Variants in SHTN1 observed in about 807,000 individuals in gnomAD.
SHTN1 encodes the protein shootin-1.
A neutral mutation model predicts 83.1 loss-of-function variants in SHTN1; 42 were observed. The ratio of observed to expected loss-of-function variants is 0.51; its 90% CI spans 0.39 to 0.65. The LOEUF is 0.65. Among genes scored for constraint, SHTN1 ranks in the 30% least tolerant of loss-of-function variants. SHTN1 has a pLI of 0.00. For missense variants in SHTN1, 622 were observed against 737.8 expected (o/e 0.84, Z 1.82); for synonymous variants, 224 against 247.7 (o/e 0.90, Z 0.90).
intron 16 of SHTN1, among the ~76,000 whole-genome samples, chr10:116,898,217 A>G (rs1847590748): frequency 1.3e-5 from 2 of 151,782 alleles, no homozygotes; most frequent in African/African-American, 4.8e-5. Context: ...AATCACAGCT[A>G]CTCGGGAGGC....
chr10:117,059,523 T>C (rs981913365), intron 1 of SHTN1, among the ~76,000 whole-genome samples: 1 of 152,162 alleles, frequency 6.6e-6, no homozygotes, highest in African/African-American at 2.4e-5. Flanking sequence ...ATACATACCA[T>C]GGAATAATGC....
intron 1 of SHTN1, among the ~76,000 whole-genome samples, chr10:117,124,913 T>C (rs879097283): frequency 1.3e-5 from 2 of 152,184 alleles, no homozygotes; most frequent in Admixed American, 1.3e-4. Flanking sequence ...TATTGCTATA[T>C]TGTGGGGGTT....
In SHTN1 at chr10:116,987,870, A is replaced by G. The variant is rs527427595; in HGVS notation, c.59-8562T>C. The stretch of plus-strand genomic sequence containing the variant: ...GCGGAGGTTGCAGTGAGCCAAGATC[A>G]TGCCACTGCACTCCAATCTGGTAAC... On this transcript the variant is annotated intron_variant, in intron 1 of 16. Coordinates refer to ENST00000355371, the MANE Select transcript of SHTN1 (RefSeq NM_001127211.3). 7.2e-4 allele frequency among the ~76,000 whole-genome samples: 110 copies of G among 151,844 alleles called. 2 individuals are homozygous for G. In the South Asian group the frequency reaches 0.022, roughly 30 times the overall value.
chr10:116,960,884 A>G (rs1273482204), intron 3 of SHTN1, among the ~76,000 whole-genome samples: 1 of 152,226 alleles, frequency 6.6e-6, no homozygotes, highest in Non-Finnish European at 1.5e-5. Context: ...TAGAAGAAAA[A>G]TAAAATTTTA....
rs1385886299 is a variant in SHTN1, at chr10:116,885,009, C to T, written c.*1335G>A. 1 of 152,400 alleles carries T rather than the reference C, an allele frequency of 6.6e-6. No homozygotes were observed. Among genetic ancestry groups the T allele is most frequent in the African/African-American group, 2.4e-5 (1 of 41,432 alleles). The allele number at this position is 152,400 out of a possible 1,614,324, so 9.4% of individuals were successfully genotyped here. ...AACTATAAAATCATTATTGGGAGAA[C>T]ATGGAAACAGTCAAGCATAACGAAC... On this transcript the variant is annotated 3_prime_UTR_variant, in exon 17 of 17. Coordinates refer to ENST00000355371, the MANE Select transcript of SHTN1 (RefSeq NM_001127211.3).
intron 1 of SHTN1, among the ~76,000 whole-genome samples, chr10:116,987,031 T>C (rs538902125): frequency 4.6e-4 from 70 of 152,072 alleles, no homozygotes; most frequent in Non-Finnish European, 6.9e-4. Context: ...CCGGCCTATT[T>C]TTTTAAAAGG....
At chr10:117,048,116 T>A (rs576416979) in intron 2 of SHTN1, among the ~76,000 whole-genome samples, 2 of 152,182 alleles carry the variant, frequency 1.3e-5, no homozygotes, top group South Asian at 4.1e-4. Context: ...ATCACATATA[T>A]AAACAAACCC....
intron 1 of SHTN1, among the ~76,000 whole-genome samples, chr10:117,072,944 G>A (rs989035142): frequency 1.3e-5 from 2 of 152,104 alleles, no homozygotes; most frequent in Non-Finnish European, 2.9e-5. Context: ...AAAGCCCAAT[G>A]CAAGGAAATC....
At chr10:116,956,250 T>C (rs1365699772) in intron 4 of SHTN1, among the ~76,000 whole-genome samples, 2 of 152,210 alleles carry the variant, frequency 1.3e-5, no homozygotes, top group South Asian at 2.1e-4. Context: ...TAGCCCTTTT[T>C]CAGTTTCCCA....
At chr10:117,116,197 A>T (rs926411621) in intron 1 of SHTN1, among the ~76,000 whole-genome samples, 1 of 152,030 alleles carries the variant, frequency 6.6e-6, no homozygotes, top group Admixed American at 6.6e-5. Context: ...AAAAGAGAAG[A>T]CCCAAATAAA....
At chr10:116,988,425 A>G (rs936258685) in intron 1 of SHTN1, among the ~76,000 whole-genome samples, 2 of 151,110 alleles carry the variant, frequency 1.3e-5, no homozygotes, top group African/African-American at 4.8e-5. Context: ...CCACAGAAAA[A>G]TTTCAGAATT....
intron 1 of SHTN1, among the ~76,000 whole-genome samples, chr10:116,995,219 G>T (rs1851585711): frequency 6.6e-6 from 1 of 151,934 alleles, no homozygotes; most frequent in Non-Finnish European, 1.5e-5. Context: ...TAAAGTTTTG[G>T]GTCTTCAAGG....
chr10:116,986,274 G>T (rs1226290824), intron 1 of SHTN1, among the ~76,000 whole-genome samples: 5 of 152,098 alleles, frequency 3.3e-5, no homozygotes, highest in African/African-American at 1.2e-4. Flanking sequence ...TCAAATAATT[G>T]AAGTCACAGG....
At position 117,078,298 on chromosome 10, in the gene SHTN1, G is replaced by A. The variant is rs541493857; in HGVS notation, c.-188-29788C>T. Among the ~76,000 whole-genome samples the A allele has an allele frequency of 3.9e-5, 6 of 152,266 alleles. No homozygotes were observed. In the South Asian group the frequency reaches 6.2e-4, roughly 16 times the overall value. ...CATCTGTAAGCCATCTACAAGGATGGTGGCTCCTGTCAGCAGTTGACTCAC... is the reference window on the plus strand; with the variant it reads ...CATCTGTAAGCCATCTACAAGGATGATGGCTCCTGTCAGCAGTTGACTCAC... On this transcript the variant is annotated intron_variant, in intron 1 of 17. Coordinates refer to the SHTN1 transcript ENST00000392901.
At chr10:117,047,541 C>T (rs1267908672) in intron 2 of SHTN1, among the ~76,000 whole-genome samples, 1 of 151,948 alleles carries the variant, frequency 6.6e-6, no homozygotes, top group African/African-American at 2.4e-5. Context: ...ACGATAATTG[C>T]GATACAGTTT....
chr10:116,987,642 C>T lies in SHTN1; in HGVS notation c.59-8334G>A, dbSNP rs372105483. The stretch of plus-strand genomic sequence containing the variant: ...ATAAAAAGATCAGTGGGAGGTCAGA[C>T]GCAGTGGCTCACACCTGTAATCTCA... On this transcript the variant is annotated intron_variant, in intron 1 of 16. Transcript: ENST00000355371. Among the ~76,000 whole-genome samples, 41 of 152,166 alleles carry T rather than the reference C, an allele frequency of 2.7e-4. 1 individual carries two copies. Among genetic ancestry groups the T allele is most frequent in the South Asian group, 2.1e-3 (10 of 4,824 alleles).
intron 9 of SHTN1, among the ~76,000 whole-genome samples, chr10:116,940,165 C>T (rs984976337): frequency 6.6e-6 from 1 of 152,164 alleles, no homozygotes; most frequent in African/African-American, 2.4e-5. Flanking sequence ...ATTGAATTTC[C>T]AGACTTTGCC....
chr10:117,126,412 G>A (rs923462808), exon 1 of SHTN1: 3 of 202,646 alleles, frequency 1.5e-5, no homozygotes, highest in Non-Finnish European at 3.1e-5. Context: ...GGAGTCCCTA[G>A]AGCGCCAGCC....
At chr10:116,917,635 T>G (rs1160867164) in intron 12 of SHTN1, among the ~76,000 whole-genome samples, 2 of 152,198 alleles carry the variant, frequency 1.3e-5, no homozygotes, top group Non-Finnish European at 2.9e-5. Flanking sequence ...TGAAACCCAA[T>G]TAAATGCACC....
Sources: allele counts gnomAD v4.1 joint callset (sites outside exome capture counted in the v4.1 genomes callset), GRCh38; gene constraint gnomAD v4.1.1; transcripts MANE v1.5; gene names NCBI Gene and HGNC (gene_info 2026-07-23, HGNC 2026-07-21).